Variants in FRMD4A observed in about 807,000 individuals in gnomAD.
FRMD4A encodes FERM domain-containing protein 4A.
Under a neutral mutation model 129.1 loss-of-function variants are expected in FRMD4A, and 29 were observed. The ratio of observed to expected loss-of-function variants is 0.22; its 90% CI spans 0.17 to 0.31. FRMD4A has a LOEUF of 0.31. Ranked by LOEUF, FRMD4A falls within the 10% of genes least tolerant of loss-of-function variation. FRMD4A has a pLI of 1.00. For synonymous variants in FRMD4A, 634 were observed against 571.6 expected, an observed-to-expected ratio of 1.11 and a Z score of -1.56; for missense variants, 1,272 against 1,375.8, an observed-to-expected ratio of 0.92 and a Z score of 1.19.
At chr10:14,018,120 A>G (rs1185235447) in intron 2 of FRMD4A, among the ~76,000 whole-genome samples, 2 of 152,112 alleles carry the variant, frequency 1.3e-5, no homozygotes, top group Non-Finnish European at 2.9e-5. Context: ...GAGATAGCAC[A>G]GTTCTGTCTG....
chr10:13,985,811 C>A (rs2095579042), intron 2 of FRMD4A, among the ~76,000 whole-genome samples: 1 of 152,232 alleles, frequency 6.6e-6, no homozygotes, highest in Admixed American at 6.5e-5. Context: ...ACACTGCTCA[C>A]TAGCGTACAG....
intron 2 of FRMD4A, among the ~76,000 whole-genome samples, chr10:14,215,950 C>A (rs1454081689): frequency 6.6e-6 from 1 of 151,868 alleles, no homozygotes; most frequent in African/African-American, 2.4e-5. Flanking sequence ...GATTTTCTTC[C>A]TGGAAGGAAT....
At chr10:14,162,629 T>TG (rs1333032077) in intron 2 of FRMD4A, among the ~76,000 whole-genome samples, 8 of 142,754 alleles carry the variant, frequency 5.6e-5, no homozygotes, top group African/African-American at 2.2e-4. Flanking sequence ...TGAGTTTCTC[T>TG]GTTTTTTTTT....
chr10:13,955,927 G>C (rs955128242), intron 2 of FRMD4A, among the ~76,000 whole-genome samples: 1 of 152,116 alleles, frequency 6.6e-6, no homozygotes, highest in East Asian at 1.9e-4. Flanking sequence ...TCCCATTCTT[G>C]GCTTGAAATC....
intron 18 of FRMD4A, among the ~76,000 whole-genome samples, chr10:13,665,014 C>G (rs746768159): frequency 6.6e-6 from 1 of 152,160 alleles, no homozygotes; most frequent in Non-Finnish European, 1.5e-5. Context: ...TCCTGAATAG[C>G]TAGGATTACA....
chr10:13,682,236 G>A (rs939929987), intron 15 of FRMD4A, among the ~76,000 whole-genome samples: 4 of 151,844 alleles, frequency 2.6e-5, no homozygotes, highest in Admixed American at 6.6e-5. Context: ...ACCCTCCCCC[G>A]CCACTATTCC....
At chr10:13,859,233 A>T (rs2094258417) in intron 2 of FRMD4A, among the ~76,000 whole-genome samples, 1 of 151,986 alleles carries the variant, frequency 6.6e-6, no homozygotes, top group African/African-American at 2.4e-5. Flanking sequence ...AAAAATACAA[A>T]ATTAGCCGGG....
rs908558051 is a variant in FRMD4A at position 13,928,799 on chromosome 10, C to T, written c.46-69887G>A. Among the ~76,000 whole-genome samples the T allele has an allele frequency of 9.2e-5, 14 of 152,286 alleles. No individual in the cohort carries two copies. In the East Asian group the frequency reaches 1.9e-3, roughly 21 times the overall value. ...GGCTGGGCCACTCAGCCAGCACAGACGGCCCAGTGGGCACAAGTTACAGGG... is the reference window on the plus strand; with the variant it reads ...GGCTGGGCCACTCAGCCAGCACAGATGGCCCAGTGGGCACAAGTTACAGGG... On this transcript the variant is annotated intron_variant, in intron 2 of 24. Coordinates refer to ENST00000357447, the MANE Select transcript of FRMD4A (RefSeq NM_018027.5).
intron 22 of FRMD4A, chr10:13,655,033 C>T (rs1380178727): frequency 6.3e-6 from 1 of 158,294 alleles, no homozygotes; most frequent in Non-Finnish European, 1.4e-5. Flanking sequence ...TCAGGCTTAT[C>T]ATTGCTACTG....
chr10:14,043,766 C>T (rs986946639), intron 2 of FRMD4A, among the ~76,000 whole-genome samples: 2 of 152,252 alleles, frequency 1.3e-5, no homozygotes, highest in Admixed American at 1.3e-4. Flanking sequence ...CAGCTTTCCA[C>T]TGCCTTACCT....
chr10:13,752,834 C>T (rs80232047), intron 8 of FRMD4A, among the ~76,000 whole-genome samples: 2,030 of 152,288 alleles, frequency 0.013, 82 homozygotes, highest in South Asian at 0.12. Context: ...ACCCATCTGG[C>T]GGCAAACTTC....
At chr10:13,693,686 T>C (rs1405490783) in intron 15 of FRMD4A, 1 of 120,074 alleles carries the variant, frequency 8.3e-6, no homozygotes, top group Non-Finnish European at 1.5e-5. Flanking sequence ...CTACTGATGC[T>C]TTTTTTTTTT....
Position 13,699,718 on chromosome 10 carries a change from C to T in FRMD4A, c.975+1622G>A, listed in dbSNP as rs920836121. On this transcript the variant is annotated intron_variant, in intron 14 of 24. Transcript: ENST00000357447. ...TAACCCCCACCATCCATCACCCAACCACAGAGGGTGAAATTAACGTTCTCA... is the reference window on the plus strand; with the variant it reads ...TAACCCCCACCATCCATCACCCAACTACAGAGGGTGAAATTAACGTTCTCA... Among the ~76,000 whole-genome samples, 8 of 152,158 alleles carry T rather than the reference C, an allele frequency of 5.3e-5. 1 individual carries two copies. The highest frequency in any genetic ancestry group is 1.7e-4 in the African/African-American group (7 of 41,426).
At position 13,798,915 on chromosome 10, in the gene FRMD4A, A is replaced by G. The variant is rs116710307; in HGVS notation, c.207-2327T>C. Among the ~76,000 whole-genome samples, 874 of 152,292 alleles carry G rather than the reference A, an allele frequency of 5.7e-3. 12 individuals carry two copies. The highest frequency in any genetic ancestry group is 0.02 in the African/African-American group (839 of 41,552). On this transcript the variant is annotated intron_variant, in intron 4 of 24. Coordinates refer to ENST00000357447, the MANE Select transcript of FRMD4A (RefSeq NM_018027.5). ...ATTTCAAACTTCTGTTCCTTAGCTC[A>G]TGCTGTTCCTTCGTCCCAGTAGGCC...
chr10:13,955,462 C>A (rs555380223), intron 2 of FRMD4A, among the ~76,000 whole-genome samples: 1 of 152,174 alleles, frequency 6.6e-6, no homozygotes, highest in Non-Finnish European at 1.5e-5. Flanking sequence ...ACTCCTAATC[C>A]AAGTCACTGA....
intron 2 of FRMD4A, among the ~76,000 whole-genome samples, chr10:14,212,227 G>A (rs1842952040): frequency 6.6e-6 from 1 of 152,176 alleles, no homozygotes; most frequent in African/African-American, 2.4e-5. Context: ...ACTGAGGACT[G>A]CAGGAGCAGC....
chr10:14,072,390 G>T (rs1185833769), intron 2 of FRMD4A, among the ~76,000 whole-genome samples: 1 of 152,210 alleles, frequency 6.6e-6, no homozygotes, highest in Non-Finnish European at 1.5e-5. Flanking sequence ...TGGGAACAGA[G>T]TTGGATTCAC....
chr10:14,048,479 C>T (rs967960687), intron 2 of FRMD4A, among the ~76,000 whole-genome samples: 4 of 152,174 alleles, frequency 2.6e-5, no homozygotes, highest in African/African-American at 7.2e-5. Flanking sequence ...TCTTCCTAGT[C>T]ATCACTAAGA....
At chr10:14,044,804 T>C (rs554912673) in intron 2 of FRMD4A, among the ~76,000 whole-genome samples, 1 of 152,234 alleles carries the variant, frequency 6.6e-6, no homozygotes, top group Non-Finnish European at 1.5e-5. Flanking sequence ...ATAACCTTCA[T>C]AGAACATTGT....
Sources: allele counts gnomAD v4.1 joint callset (sites outside exome capture counted in the v4.1 genomes callset), GRCh38; gene constraint gnomAD v4.1.1; transcripts MANE v1.5; gene names NCBI Gene and HGNC (gene_info 2026-07-23, HGNC 2026-07-21).